Variants in SYT6 observed in about 807,000 individuals in gnomAD.
SYT6 encodes the protein synaptotagmin-6.
SYT6 carries 24 observed loss-of-function variants against 38.4 expected under a neutral mutation model. The ratio of observed to expected loss-of-function variants is 0.62; its 90% CI spans 0.45 to 0.88. SYT6 has a LOEUF of 0.88. SYT6 is among the 40% of genes least tolerant of loss of function. The pLI, the probability that SYT6 is intolerant of heterozygous loss-of-function variation, is 0.00. For missense variants in SYT6, 611 were observed against 621.0 expected, an observed-to-expected ratio of 0.98 and a Z score of 0.17; for synonymous variants, 265 against 241.9, an observed-to-expected ratio of 1.10 and a Z score of -0.89.
chr1:114,140,173 C>T (rs1376103949), intron 1 of SYT6, among the ~76,000 whole-genome samples: 1 of 152,058 alleles, frequency 6.6e-6, no homozygotes, highest in Non-Finnish European at 1.5e-5. Context: ...GCCTTGTGTT[C>T]ACCTCAATCT....
intron 3 of SYT6, among the ~76,000 whole-genome samples, chr1:114,118,076 A>G (rs570848699): frequency 4.5e-4 from 69 of 152,222 alleles, no homozygotes; most frequent in Admixed American, 1.5e-3. Flanking sequence ...TGGAAGGAGA[A>G]GCAAGCGGTG....
intron 3 of SYT6, among the ~76,000 whole-genome samples, chr1:114,104,635 G>A (rs930901006): frequency 6.6e-6 from 1 of 151,850 alleles, no homozygotes; most frequent in African/African-American, 2.4e-5. Flanking sequence ...GGAGGAAGAG[G>A]TCAGCGTTTA....
At chr1:114,142,513 A>G (rs1402493224) in intron 1 of SYT6, among the ~76,000 whole-genome samples, 1 of 152,236 alleles carries the variant, frequency 6.6e-6, no homozygotes, top group Non-Finnish European at 1.5e-5. Context: ...TGAAATGACC[A>G]CAAAGGACTT....
intron 3 of SYT6, among the ~76,000 whole-genome samples, chr1:114,118,169 G>A (rs1236958491): frequency 6.6e-6 from 1 of 152,182 alleles, no homozygotes; most frequent in East Asian, 1.9e-4. Context: ...TTGCTGGGAG[G>A]TTGCTATAAA....
At chr1:114,108,211 C>T (rs1676446595) in intron 3 of SYT6, among the ~76,000 whole-genome samples, 1 of 152,164 alleles carries the variant, frequency 6.6e-6, no homozygotes, top group South Asian at 2.1e-4. Context: ...TAGCATTCTC[C>T]TTGGCTGCAG....
chr1:114,127,345 G>A (rs1421518468), intron 3 of SYT6, among the ~76,000 whole-genome samples: 1 of 152,104 alleles, frequency 6.6e-6, no homozygotes, highest in Non-Finnish European at 1.5e-5. Context: ...AAGGCTGCCC[G>A]TGGGATGGAG....
chr1:114,115,175 C>G (rs1210365812), intron 3 of SYT6, among the ~76,000 whole-genome samples: 4 of 152,218 alleles, frequency 2.6e-5, no homozygotes, highest in African/African-American at 9.7e-5. Flanking sequence ...GGGCCCTACC[C>G]TCACCAGAAG....
At chr1:114,105,440 C>T (rs1044380575) in intron 3 of SYT6, among the ~76,000 whole-genome samples, 2 of 92,844 alleles carry the variant, frequency 2.2e-5, no homozygotes, top group Non-Finnish European at 4.3e-5. Context: ...TTTGTCCAGG[C>T]CCCCGAAAAA....
Position 114,092,094 on chromosome 1 carries a change from A to G in SYT6, c.*52-12T>C, listed in dbSNP as rs1242831177. ...GCTCGGCCCTGCCACTGCAAAGAGG[A>G]GAACAATCTGTTTATTAATTGCTAA... On this transcript the variant is annotated splice_polypyrimidine_tract_variant and intron_variant, in intron 7 of 7. Transcript: ENST00000610222. The G allele has an allele frequency of 2.0e-6, 3 of 1,535,818 alleles. No individual in the cohort carries two copies. The highest frequency in any genetic ancestry group is 1.2e-5 in the South Asian group (1 of 84,016).
intron 3 of SYT6, 69 bp downstream of exon 3, chr1:114,137,426 T>G: frequency 6.6e-7 from 1 of 1,522,550 alleles, no homozygotes. Context: ...AAGTGAGGGT[T>G]TGGGGACATG....
intron 1 of SYT6, among the ~76,000 whole-genome samples, chr1:114,149,223 G>GTGTGTGTGTGTGTGTGTGAGCGCA (rs531593752): frequency 7.5e-6 from 1 of 133,264 alleles, no homozygotes; most frequent in East Asian, 2.1e-4. Flanking sequence ...GAGATTGTGT[G>GTGTGTGTGTGTGTGTGTGAGCGCA]TGTGTGTGTG....
intron 4 of SYT6, 104 bp downstream of exon 4, chr1:114,103,497 C>T: frequency 6.7e-7 from 1 of 1,485,616 alleles, no homozygotes; most frequent in Non-Finnish European, 9.2e-7. Context: ...AGAGCTGGTG[C>T]TTCTATTCTA....
At chr1:114,092,666 C>G (rs1675397414) in intron 7 of SYT6, among the ~76,000 whole-genome samples, 1 of 152,106 alleles carries the variant, frequency 6.6e-6, no homozygotes, top group Admixed American at 6.5e-5. Flanking sequence ...ACCCCTTTCT[C>G]CTCCCCAGTT....
In SYT6 at chr1:114,093,775, C is replaced by T. The variant is rs776920618; in HGVS notation, c.*11G>A. On this transcript the variant is annotated 3_prime_UTR_variant, in exon 7 of 8. Coordinates refer to ENST00000610222, the MANE Select transcript of SYT6 (RefSeq NM_001253772.2). ...GCAGTCTCTCTGCTTGCAGCATCCA[C>T]GTGAATGAAATCACAACCGAGGGTT... 3.0e-5 allele frequency: 49 copies of T among 1,613,900 alleles called. 1 individual carries two copies. In the South Asian group the frequency reaches 3.7e-4, roughly 12 times the overall value.
At position 114,098,418 on chromosome 1, in the gene SYT6, GAGA is replaced by G. The variant is rs1407485967; in HGVS notation, c.1365-544_1365-542del. 6.6e-5 allele frequency among the ~76,000 whole-genome samples: 10 copies of G among 152,342 alleles called. 1 individual carries two copies. The highest frequency in any genetic ancestry group is 1.9e-4 in the East Asian group (1 of 5,190). The stretch of plus-strand genomic sequence containing the variant: ...TCCTTTAGCTAAAGTGACAAGTGGA[GAGA>G]AGAAGTTATGGGGACCAGAGTAGTT... On this transcript the variant is annotated intron_variant, in intron 5 of 7. Coordinates refer to ENST00000610222, the MANE Select transcript of SYT6 (RefSeq NM_001253772.2).
intron 3 of SYT6, among the ~76,000 whole-genome samples, chr1:114,106,470 C>T (rs1315083670): frequency 6.6e-6 from 1 of 152,058 alleles, no homozygotes; most frequent in Non-Finnish European, 1.5e-5. Flanking sequence ...TATATCCTTG[C>T]CACTGCTCAA....
intron 4 of SYT6, among the ~76,000 whole-genome samples, chr1:114,100,951 CAT>C (rs1400291289): frequency 6.6e-6 from 1 of 152,156 alleles, no homozygotes; most frequent in African/African-American, 2.4e-5. Context: ...GGCAGATTTC[CAT>C]ATCATGAGGC....
chr1:114,094,618 G>C (rs1440541337), intron 6 of SYT6, among the ~76,000 whole-genome samples: 1 of 152,130 alleles, frequency 6.6e-6, no homozygotes, highest in Non-Finnish European at 1.5e-5. Context: ...GCCTTATTTT[G>C]AGCCCCAAAC....
intron 3 of SYT6, among the ~76,000 whole-genome samples, chr1:114,117,093 G>A (rs1677040285): frequency 6.6e-6 from 1 of 152,208 alleles, no homozygotes; most frequent in Non-Finnish European, 1.5e-5. Flanking sequence ...AGCGATGCAT[G>A]GAGTTGGGCA....
Sources: gnomAD v4.1 joint callset for allele counts (sites outside exome capture counted in the v4.1 genomes callset) on GRCh38, gnomAD v4.1.1 for gene constraint, MANE v1.5 for transcripts, NCBI Gene and HGNC (gene_info 2026-07-23, HGNC 2026-07-21) for gene names.